Variants in KDM5A observed in about 807,000 individuals in gnomAD.
KDM5A encodes the protein lysine demethylase 5A.
A neutral mutation model predicts 193.5 loss-of-function variants in KDM5A; 42 were observed. The observed-to-expected ratio is 0.22, with a 90% CI of 0.17 to 0.28. The LOEUF (loss-of-function observed/expected upper bound fraction) is 0.28, where lower values mean the gene tolerates loss of function less well. KDM5A is among the 10% of genes least tolerant of loss of function. KDM5A has a pLI of 1.00. For synonymous variants in KDM5A, 796 were observed against 718.1 expected (o/e 1.11, Z -1.73); for missense variants, 1,692 against 2,055.1 (o/e 0.82, Z 3.42).
intron 13 of KDM5A, among the ~76,000 whole-genome samples, chr12:330,810 T>C (rs115309574): frequency 0.015 from 2,224 of 152,284 alleles, 49 homozygotes; most frequent in African/African-American, 0.05. Flanking sequence ...TGGTTAATCA[T>C]GGAATTTAAT....
intron 10 of KDM5A, among the ~76,000 whole-genome samples, chr12:338,260 G>A (rs1333250958): frequency 6.6e-6 from 1 of 152,164 alleles, no homozygotes; most frequent in African/African-American, 2.4e-5. Context: ...TGTACAATGT[G>A]GTTTATGCCG....
intron 3 of KDM5A, among the ~76,000 whole-genome samples, chr12:375,670 T>C (rs1327601663): frequency 6.6e-6 from 1 of 152,224 alleles, no homozygotes; most frequent in African/African-American, 2.4e-5. Context: ...TTTTTCTAAT[T>C]TTCAGTTTTT....
intron 12 of KDM5A, 92 bp downstream of exon 12, chr12:333,395 G>A: frequency 1.4e-6 from 2 of 1,402,124 alleles, no homozygotes; most frequent in South Asian, 2.4e-5. Flanking sequence ...CTCCAGCCTG[G>A]GCAACAGAGC....
chr12:307,533 A>G lies in KDM5A; in HGVS notation c.3851T>C (p.Val1284Ala). The G allele has an allele frequency of 6.2e-7, 1 of 1,614,040 alleles. No homozygotes were observed. The highest frequency in any genetic ancestry group is 8.5e-7 in the Non-Finnish European group (1 of 1,180,028). The change falls in exon 23 of 28, where the codon GTG becomes GCG. Residue 1284 changes from valine (V) to alanine (A), a missense_variant. Around this residue, in one of 11 missense-constraint regions of KDM5A, gnomAD observed 965 missense variants for 1,061.0 expected, o/e 0.91. Coordinates refer to ENST00000399788, the MANE Select transcript of KDM5A (RefSeq NM_001042603.3). This position sits in a 1 kb window ranked among gnomAD's most constrained non-coding sequence, Gnocchi z 4.3. ...AGTTTTTTCTCGAGCCGCCTGTTCCACCATACGCTGGCTCAACACAGATAG... is the reference window on the plus strand; with the variant it reads ...AGTTTTTTCTCGAGCCGCCTGTTCCGCCATACGCTGGCTCAACACAGATAG... ...AKLSVLSQRM[V>A]EQAAREKTEK... is the part of the protein sequence containing the mutation.
Position 355,948 on chromosome 12 carries a change from C to T in KDM5A, c.778+484G>A, listed in dbSNP as rs1334521461. On this transcript the variant is annotated intron_variant, in intron 6 of 27. Transcript: ENST00000399788. ...AGCAGTCCTACTGACAAAAAACTTC[C>T]AAACGTGAAGCCGAGAGTAACAGAC... 2.6e-5 allele frequency among the ~76,000 whole-genome samples: 4 copies of T among 152,150 alleles called. No individual in the cohort carries two copies. In the East Asian group the frequency reaches 7.7e-4, roughly 29 times the overall value.
intron 13 of KDM5A, 180 bp from the exon 14 acceptor site, chr12:329,209 T>C: frequency 1.6e-6 from 1 of 611,074 alleles, no homozygotes; most frequent in Non-Finnish European, 2.9e-6. Flanking sequence ...CCAGCCAGAG[T>C]TTCAAAGGCT....
chr12:298,609 G>C (rs1170565485), intron 24 of KDM5A, among the ~76,000 whole-genome samples: 1 of 152,126 alleles, frequency 6.6e-6, no homozygotes, highest in Non-Finnish European at 1.5e-5. Context: ...GTACAAAAAG[G>C]CTGAACATTC....
chr12:320,993 A>AC lies in KDM5A; in HGVS notation c.2541+1dup. The AC allele has an allele frequency of 6.2e-7, 1 of 1,601,892 alleles. No individual in the cohort carries two copies. The highest frequency in any genetic ancestry group is 8.6e-7 in the Non-Finnish European group (1 of 1,168,828). ...ACCCAAAAAAAGGATGTAATACTCCACCTTTACTTGCCGAGCTTGGCTGAT... is the reference window on the plus strand; with the variant it reads ...ACCCAAAAAAAGGATGTAATACTCCACCCTTTACTTGCCGAGCTTGGCTGAT... On this transcript the variant is annotated splice_donor_variant, in intron 18 of 27. Transcript: ENST00000399788. LOFTEE classifies it high-confidence loss of function.
chr12:291,876 T>C (rs1045307091), intron 27 of KDM5A, among the ~76,000 whole-genome samples: 13 of 151,782 alleles, frequency 8.6e-5, no homozygotes, highest in African/African-American at 3.1e-4. Context: ...ACTTAAAATT[T>C]AGGGTTGGAA....
chr12:351,205 C>T (rs1944154144), intron 9 of KDM5A, among the ~76,000 whole-genome samples: 1 of 152,052 alleles, frequency 6.6e-6, no homozygotes, highest in Non-Finnish European at 1.5e-5. Flanking sequence ...GCTATCCCTC[C>T]CCTAGCCCCC....
rs188191394 is a variant in KDM5A, at chr12:354,380, T to A, written c.871-146A>T. On this transcript the variant is annotated intron_variant, in intron 7 of 27. Transcript: ENST00000399788. ...TGAATGTCTATTTCAAGTAATTGTA[T>A]TTAAACAGCTTTTCATAAAACTCCC... The A allele has an allele frequency of 3.7e-3, 2,373 of 640,686 alleles. 2 individuals carry two copies. Among genetic ancestry groups the A allele is most frequent in the Non-Finnish European group, 5.4e-3 (2,011 of 374,092 alleles). The allele number at this position is 640,686 out of a possible 1,614,324, so 39.7% of individuals were successfully genotyped here.
chr12:345,567 C>G (rs964216646), intron 10 of KDM5A, among the ~76,000 whole-genome samples: 2 of 152,200 alleles, frequency 1.3e-5, no homozygotes, highest in Non-Finnish European at 2.9e-5. Context: ...CAAACTGTCT[C>G]TCAGACCACA....
At chr12:296,073 C>T (rs1383263087) in intron 25 of KDM5A, among the ~76,000 whole-genome samples, 1 of 152,160 alleles carries the variant, frequency 6.6e-6, no homozygotes, top group East Asian at 1.9e-4. Context: ...AATCCCAACA[C>T]TTTGGGAGGC....
rs773383633 is a variant in KDM5A at position 383,997 on chromosome 12, T to C, written c.366+34A>G. 1.9e-6 allele frequency: 3 copies of C among 1,606,768 alleles called. No individual in the cohort carries two copies. In the African/African-American group the frequency reaches 4.0e-5, roughly 21 times the overall value. On this transcript the variant is annotated intron_variant, in intron 3 of 27. Transcript: ENST00000399788. ...TTTGATATTCCTAAATTCACAAGCCTGTGCTCTAATTTCTAAACCAGTATG... is the reference window on the plus strand; with the variant it reads ...TTTGATATTCCTAAATTCACAAGCCCGTGCTCTAATTTCTAAACCAGTATG...
intron 12 of KDM5A, 128 bp downstream of exon 12, chr12:333,359 C>G: frequency 1.0e-6 from 1 of 979,554 alleles, no homozygotes; most frequent in Non-Finnish European, 1.6e-6. Flanking sequence ...GCTGAGGCTG[C>G]AATGAGCAAT....
In KDM5A at chr12:363,125, C is replaced by G. The variant is rs141704465; in HGVS notation, c.538-28G>C. 134 of 1,613,346 alleles carry G rather than the reference C, an allele frequency of 8.3e-5. 1 individual carries two copies. In the East Asian group the frequency reaches 2.5e-3, roughly 31 times the overall value. ...AAAAGATCAGAGCACAGAAAGAGAG[C>G]AGGTTCACTGATAAGAAATCATGCT... is the stretch of plus-strand genomic sequence containing the variant. On this transcript the variant is annotated intron_variant, in intron 4 of 27. Coordinates refer to ENST00000399788, the MANE Select transcript of KDM5A (RefSeq NM_001042603.3).
Position 283,565 on chromosome 12 carries a change from T to A in KDM5A, c.*1891A>T. The A allele has an allele frequency of 4.3e-6, 1 of 233,210 alleles. No individual in the cohort carries two copies. The highest frequency in any genetic ancestry group is 1.8e-4 in the South Asian group (1 of 5,514). 14.4% of individuals were successfully genotyped at this position (233,210 alleles called of 1,614,324 possible). The stretch of plus-strand genomic sequence containing the variant: ...GAAAACATCTTTTTTTTTGTAAGAT[T>A]CCTTTTGAGTTAAATCTCATACCCA... On this transcript the variant is annotated 3_prime_UTR_variant, in exon 28 of 28. Coordinates refer to ENST00000399788, the MANE Select transcript of KDM5A (RefSeq NM_001042603.3).
chr12:312,963 T>C, intron 20 of KDM5A, 93 bp downstream of exon 20: 1 of 1,357,904 alleles, frequency 7.4e-7, no homozygotes. Flanking sequence ...GTTTGTATTA[T>C]GATTATTCTA....
chr12:378,110 TATG>T (rs938355979), intron 3 of KDM5A, among the ~76,000 whole-genome samples: 8 of 152,188 alleles, frequency 5.3e-5, no homozygotes, highest in Non-Finnish European at 8.8e-5. Context: ...GAAATCAGTA[TATG>T]ATATTTAAAA....
Sources: allele counts gnomAD v4.1 joint callset (sites outside exome capture counted in the v4.1 genomes callset), GRCh38; gene constraint gnomAD v4.1.1; regional missense constraint gnomAD v4.1.1; non-coding constraint Gnocchi (gnomAD v3.1); transcripts MANE v1.5; gene names NCBI Gene and HGNC (gene_info 2026-07-23, HGNC 2026-07-21).